FBN1: variants seen among roughly 807,000 people sequenced by gnomAD.
FBN1 encodes the protein fibrillin 1.
FBN1 carries 29 observed loss-of-function variants against 365.1 expected under a neutral mutation model. The ratio of observed to expected loss-of-function variants is 0.08; its 90% CI spans 0.06 to 0.11. The LOEUF (loss-of-function observed/expected upper bound fraction) is 0.11. FBN1 is among the 10% of genes least tolerant of loss of function. The pLI is 1.00. For missense variants in FBN1, 2,476 were observed against 3,703.2 expected (o/e 0.67, Z 8.60); for synonymous variants, 1,210 against 1,270.5 (o/e 0.95, Z 1.01).
rs968635035 is a variant in FBN1 at position 48,513,617 on chromosome 15, T to C, written c.1520A>G (p.Asn507Ser). The change falls in exon 13 of 66, where the codon AAC becomes AGC. Residue 507 changes from asparagine (N) to serine (S), a missense_variant. Asn to Ser is a conservative substitution (Grantham distance 46). Coordinates refer to ENST00000316623, the MANE Select transcript of FBN1 (RefSeq NM_000138.5). The part of the protein sequence containing the change: ...NPCAGGECIN[N>S]QGSYTCQCRA... The stretch of plus-strand genomic sequence containing the variant: ...GCACTGACAGGTGTACGAACCCTGG[T>C]TGTTAATACACTCACCACCAGCACA... 2.5e-6 allele frequency: 4 copies of C among 1,613,916 alleles called. No homozygotes were observed. The African/African-American group carries it at 5.3e-5, about 22-fold the overall frequency.
rs768456725 is a variant in FBN1 at position 48,487,273 on chromosome 15, C to G, written c.3463+39G>C. The G allele has an allele frequency of 1.1e-5, 18 of 1,614,092 alleles. No individual in the cohort carries two copies. The African/African-American group carries it at 1.6e-4, about 14-fold the overall frequency. ...TTTGGCAATGATGTCATTCAAACAA[C>G]TGACCACAAGTAAATGGTGTGAAAG... On this transcript the variant is annotated intron_variant, in intron 28 of 65. Transcript: ENST00000316623.
intron 13 of FBN1, among the ~76,000 whole-genome samples, chr15:48,511,948 C>T (rs985741533): frequency 1.3e-5 from 2 of 152,060 alleles, no homozygotes; most frequent in East Asian, 1.9e-4. Flanking sequence ...TGCAAAATGC[C>T]TAGTATGCTA....
intron 31 of FBN1, 76 bp downstream of exon 31, chr15:48,483,742 C>G (rs113077610): frequency 6.4e-7 from 1 of 1,563,614 alleles, no homozygotes; most frequent in Non-Finnish European, 8.8e-7. Flanking sequence ...TATCACTGAC[C>G]CAAACTAACT....
intron 37 of FBN1, 118 bp downstream of exon 37, chr15:48,468,294 G>A: frequency 7.0e-7 from 1 of 1,419,916 alleles, no homozygotes; most frequent in Non-Finnish European, 9.9e-7. Flanking sequence ...AGTAGAGTTA[G>A]GAAATGTTTA....
chr15:48,608,979 G>C (rs1331883737), intron 4 of FBN1, among the ~76,000 whole-genome samples: 2 of 152,224 alleles, frequency 1.3e-5, no homozygotes, highest in African/African-American at 4.8e-5. Flanking sequence ...TCTTCCCCCA[G>C]AGGAGTGCAA....
rs777025292 is a variant in FBN1 at position 48,534,127 on chromosome 15, T to C, written c.815A>G (p.Lys272Arg). The C allele has an allele frequency of 5.0e-6, 8 of 1,613,846 alleles. No homozygotes were observed. Among genetic ancestry groups the C allele is most frequent in the South Asian group, 4.4e-5 (4 of 91,062 alleles). Residue 272 changes from lysine to arginine, a missense_variant, in exon 8 of 66, where the codon AAA becomes AGA. Around this residue, in one of 5 missense-constraint regions of FBN1, gnomAD observed 421 missense variants for 520.1 expected, o/e 0.81. Coordinates refer to ENST00000316623, the MANE Select transcript of FBN1 (RefSeq NM_000138.5). ...CINTVGSFECKCPAGHKLNEV... is the reference protein window; with the variant it reads ...CINTVGSFECRCPAGHKLNEV... ...ATTAAGTTTGTGTCCAGCAGGGCATTTGCACTCAAAAGACCCAACAGTATT... is the reference window on the plus strand; with the variant it reads ...ATTAAGTTTGTGTCCAGCAGGGCATCTGCACTCAAAAGACCCAACAGTATT...
At chr15:48,631,698 C>G (rs1163885584) in intron 2 of FBN1, among the ~76,000 whole-genome samples, 1 of 152,192 alleles carries the variant, frequency 6.6e-6, no homozygotes, top group African/African-American at 2.4e-5. Flanking sequence ...GGGCTTATCT[C>G]TTTACCTCTG....
chr15:48,591,087 C>T (rs2044473101), intron 6 of FBN1, among the ~76,000 whole-genome samples: 1 of 152,204 alleles, frequency 6.6e-6, no homozygotes, highest in Non-Finnish European at 1.5e-5. Context: ...CAAAAGGCTT[C>T]ATCCTCTGGC....
chr15:48,496,348 C>T (rs768763691), intron 19 of FBN1, 123 bp from the exon 20 acceptor site: 3 of 1,208,180 alleles, frequency 2.5e-6, no homozygotes, highest in African/African-American at 1.5e-5. Flanking sequence ...AAAGGCAAAA[C>T]TCCTGTAGCA....
intron 6 of FBN1, among the ~76,000 whole-genome samples, chr15:48,544,308 A>G (rs779223413): frequency 5.9e-5 from 9 of 152,200 alleles, no homozygotes; most frequent in Non-Finnish European, 1.0e-4. Flanking sequence ...CAGTGTTATT[A>G]AAAGAATACA....
At chr15:48,600,339 T>C in intron 4 of FBN1, 105 bp from the exon 5 acceptor site, 1 of 801,836 alleles carries the variant, frequency 1.2e-6, no homozygotes, top group Non-Finnish European at 2.1e-6. Context: ...TCAAATAGCT[T>C]ATCAGGATTC....
chr15:48,557,317 A>C (rs973142166), intron 6 of FBN1, among the ~76,000 whole-genome samples: 1 of 152,202 alleles, frequency 6.6e-6, no homozygotes, highest in African/African-American at 2.4e-5. Flanking sequence ...AAAGCAAACC[A>C]GCACTAGGAC....
At chr15:48,448,560 C>G (rs1013398394) in intron 46 of FBN1, among the ~76,000 whole-genome samples, 1 of 152,054 alleles carries the variant, frequency 6.6e-6, no homozygotes, top group Non-Finnish European at 1.5e-5. Context: ...TCTAAACTGA[C>G]AGCCAAATGA....
chr15:48,462,990 C>A, intron 42 of FBN1, 92 bp downstream of exon 42: 1 of 1,280,614 alleles, frequency 7.8e-7, no homozygotes, highest in Non-Finnish European at 1.1e-6. Context: ...AAACAATGCA[C>A]ACTTTGCTTC....
At chr15:48,603,607 A>G (rs1241897005) in intron 4 of FBN1, among the ~76,000 whole-genome samples, 2 of 152,218 alleles carry the variant, frequency 1.3e-5, no homozygotes, top group Middle Eastern at 3.2e-3. Flanking sequence ...TAGATGTATC[A>G]TAATTAGGAG....
intron 6 of FBN1, among the ~76,000 whole-genome samples, chr15:48,593,334 C>T (rs2044492428): frequency 6.6e-6 from 1 of 152,190 alleles, no homozygotes; most frequent in African/African-American, 2.4e-5. Context: ...TTGTAACTGA[C>T]ATTCTAAATG....
In FBN1 at chr15:48,446,789, T is replaced by C. The variant is rs1401182876; in HGVS notation, c.5705A>G (p.Asn1902Ser). The C allele has an allele frequency of 1.2e-6, 2 of 1,612,528 alleles. No individual in the cohort carries two copies. The highest frequency in any genetic ancestry group is 1.1e-5 in the South Asian group (1 of 91,054). ...ACCAATTGTGTTCCGGCAAGTTCCA[T>C]TCCCACAGGCATCTCTTTCACATTC... ...INECERDACG[N>S]GTCRNTIGSF... Residue 1902 changes from asparagine (N) to serine (S), a missense_variant, in exon 47 of 66, where the codon AAT becomes AGT. Physicochemically the swap from Asn to Ser is conservative, Grantham distance 46 (BLOSUM62 1). Around this residue, in one of 5 missense-constraint regions of FBN1, gnomAD observed 1,780 missense variants for 2,840.8 expected, o/e 0.63. Transcript: ENST00000316623.
intron 29 of FBN1, among the ~76,000 whole-genome samples, 195 bp from the exon 30 acceptor site, chr15:48,485,691 T>C (rs926394375): frequency 2.6e-5 from 4 of 152,166 alleles, no homozygotes; most frequent in Admixed American, 2.6e-4. Context: ...CAGCCCCCTC[T>C]TGCTCTCTTT....
rs75589932 is a variant in FBN1 at position 48,584,337 on chromosome 15, G to A, written c.538+11946C>T. On this transcript the variant is annotated intron_variant, in intron 6 of 65. Coordinates refer to ENST00000316623, the MANE Select transcript of FBN1 (RefSeq NM_000138.5). Reference sequence around the variant, plus strand: ...ATTTATCCTCAGAGCGTGAGTTCGTGATCAGTTTTCTAGGAATGGCTAGGC... The same window carrying A: ...ATTTATCCTCAGAGCGTGAGTTCGTAATCAGTTTTCTAGGAATGGCTAGGC... Among the ~76,000 whole-genome samples, 475 of 152,164 alleles carry A rather than the reference G, an allele frequency of 3.1e-3. 1 individual carries two copies. The highest frequency in any genetic ancestry group is 0.011 in the African/African-American group (465 of 41,492).
Sources: allele counts gnomAD v4.1 joint callset (sites outside exome capture counted in the v4.1 genomes callset), GRCh38; gene constraint gnomAD v4.1.1; regional missense constraint gnomAD v4.1.1; transcripts MANE v1.5; gene names NCBI Gene and HGNC (gene_info 2026-07-23, HGNC 2026-07-21).